Variants in CACNB4 observed in about 807,000 individuals in gnomAD.
CACNB4 encodes the protein calcium voltage-gated channel auxiliary subunit beta 4, also known as voltage-dependent L-type calcium channel subunit beta-4.
A neutral mutation model predicts 71.2 loss-of-function variants in CACNB4; 32 were observed. The ratio of observed to expected loss-of-function variants is 0.45; its 90% CI spans 0.34 to 0.60. The LOEUF (loss-of-function observed/expected upper bound fraction) is 0.60, where lower values mean the gene tolerates loss of function less well. CACNB4 is among the 20% of genes least tolerant of loss of function. CACNB4 has a pLI of 0.01. For synonymous variants in CACNB4, 231 were observed against 236.9 expected, an observed-to-expected ratio of 0.97 and a Z score of 0.23; for missense variants, 464 against 647.9, an observed-to-expected ratio of 0.72 and a Z score of 3.08.
chr2:151,838,963 T>C lies in CACNB4; in HGVS notation c.*156A>G, dbSNP rs2099835492. On this transcript the variant is annotated 3_prime_UTR_variant, in exon 14 of 14. Transcript: ENST00000539935. Reference sequence around the variant, plus strand: ...TATCCATCTAGACTCAAGGGCATAATGTAATTTTTTTTTTTGCCCCTTACT... The same window carrying C: ...TATCCATCTAGACTCAAGGGCATAACGTAATTTTTTTTTTTGCCCCTTACT... 2 of 579,144 alleles carry C rather than the reference T, an allele frequency of 3.5e-6. No homozygotes were observed. The highest frequency in any genetic ancestry group is 6.1e-6 in the Non-Finnish European group (2 of 329,600). The allele number at this position is 579,144 out of a possible 1,614,324, so 35.9% of individuals were successfully genotyped here.
chr2:151,888,144 CTACT>C (rs768541422), intron 2 of CACNB4, among the ~76,000 whole-genome samples: 12 of 152,222 alleles, frequency 7.9e-5, no homozygotes, highest in Non-Finnish European at 1.6e-4. Flanking sequence ...GACTAGGCAT[CTACT>C]TACTTACCTT....
At chr2:152,032,788 C>G (rs1299069136) in intron 2 of CACNB4, among the ~76,000 whole-genome samples, 1 of 151,794 alleles carries the variant, frequency 6.6e-6, no homozygotes, top group Non-Finnish European at 1.5e-5. Flanking sequence ...CCCCCCATCT[C>G]TACAAAAACA....
At chr2:151,852,050 C>T (rs2099839185) in intron 12 of CACNB4, 1 of 152,106 alleles carries the variant, frequency 6.6e-6, no homozygotes. Context: ...GGGTAGGTAA[C>T]CAGGTACATG....
At chr2:151,934,567 G>A (rs62175717) in intron 2 of CACNB4, among the ~76,000 whole-genome samples, 17,528 of 152,192 alleles carry the variant, frequency 0.12, 1,884 homozygotes, top group East Asian at 0.55. Flanking sequence ...GGCTGGGCAC[G>A]GTGGCTCATG....
At chr2:152,054,298 G>A (rs1382572790) in intron 2 of CACNB4, among the ~76,000 whole-genome samples, 37 of 150,490 alleles carry the variant, frequency 2.5e-4, no homozygotes, top group Admixed American at 2.0e-3. Flanking sequence ...CCCGGGAGGC[G>A]GAGCTTGCAG....
At chr2:151,902,699 TG>T (rs35569756) in intron 2 of CACNB4, among the ~76,000 whole-genome samples, 72,852 of 151,886 alleles carry the variant, frequency 0.48, 21,843 homozygotes, top group Non-Finnish European at 0.67. Context: ...ATATTTTCTC[TG>T]ATCTTGATAT....
intron 2 of CACNB4, among the ~76,000 whole-genome samples, chr2:152,065,669 TTCTC>T (rs1686274894): frequency 2.0e-5 from 3 of 152,208 alleles, no homozygotes; most frequent in Non-Finnish European, 2.9e-5. Context: ...ACATCATTGA[TTCTC>T]TCTCTTCTAC....
intron 2 of CACNB4, among the ~76,000 whole-genome samples, chr2:152,097,853 G>C (rs1416618304): frequency 6.6e-6 from 1 of 152,120 alleles, no homozygotes; most frequent in African/African-American, 2.4e-5. Context: ...TCTTTTGACC[G>C]GAGCTTGACG....
At chr2:152,035,651 C>CTCTCTCTCTCTATATATATATATA (rs796161186) in intron 2 of CACNB4, among the ~76,000 whole-genome samples, 2 of 118,076 alleles carry the variant, frequency 1.7e-5, no homozygotes, top group African/African-American at 7.2e-5. Context: ...CTCTCTCTCT[C>CTCTCTCTCTCTATATATATATATA]TATATATATA....
At chr2:152,000,248 C>T (rs541766889) in intron 2 of CACNB4, among the ~76,000 whole-genome samples, 2 of 152,314 alleles carry the variant, frequency 1.3e-5, no homozygotes, top group African/African-American at 2.4e-5. Flanking sequence ...CTCCCAGAAA[C>T]GAGATGGAGG....
At chr2:151,861,365 A>G (rs2099841593) in intron 9 of CACNB4, 1 of 152,422 alleles carries the variant, frequency 6.6e-6, no homozygotes, top group Non-Finnish European at 1.5e-5. Flanking sequence ...CCAAAGGGAT[A>G]CTTCATTTAT....
At chr2:151,916,922 A>G (rs1024658973) in intron 2 of CACNB4, among the ~76,000 whole-genome samples, 1 of 152,180 alleles carries the variant, frequency 6.6e-6, no homozygotes, top group Non-Finnish European at 1.5e-5. Context: ...GGTCTCCCCA[A>G]CCAATCATTA....
In CACNB4 at chr2:152,082,273, A is replaced by T. The variant is rs550431285; in HGVS notation, c.147+16057T>A. Among the ~76,000 whole-genome samples, 147 of 152,312 alleles carry T rather than the reference A, an allele frequency of 9.7e-4. 1 individual carries two copies. Among genetic ancestry groups the T allele is most frequent in the Non-Finnish European group, 1.3e-3 (91 of 68,026 alleles). On this transcript the variant is annotated intron_variant, in intron 2 of 13. Transcript: ENST00000539935. ...TCTTTCCTCCTGTAAACTCCACATC[A>T]TCTCTTTGCTACATTATAAAAGAAT...
intron 2 of CACNB4, among the ~76,000 whole-genome samples, chr2:151,952,600 G>A (rs1006033542): frequency 6.6e-6 from 1 of 152,170 alleles, no homozygotes; most frequent in Non-Finnish European, 1.5e-5. Flanking sequence ...CTAATAATAT[G>A]CCTTAGAACG....
chr2:151,870,698 G>T, intron 7 of CACNB4, 87 bp from the exon 8 acceptor site: 1 of 1,302,724 alleles, frequency 7.7e-7, no homozygotes, highest in Non-Finnish European at 1.1e-6. Context: ...ATAATTCTCA[G>T]GTTGAACGAC....
At chr2:151,973,826 T>A (rs1421842483) in intron 2 of CACNB4, 1 of 1,511,392 alleles carries the variant, frequency 6.6e-7, no homozygotes, top group East Asian at 2.5e-5. Context: ...GCCTGCCTTA[T>A]CAATTCCTGT....
chr2:151,892,544 T>TA (rs1161694253), intron 2 of CACNB4, among the ~76,000 whole-genome samples: 1 of 152,154 alleles, frequency 6.6e-6, no homozygotes, highest in Non-Finnish European at 1.5e-5. Context: ...ATGATTTTTT[T>TA]AAAAAACTGG....
chr2:151,866,441 A>G (rs2099843128), intron 9 of CACNB4: 1 of 152,214 alleles, frequency 6.6e-6, no homozygotes. Flanking sequence ...ATGCCGTGTC[A>G]CTGTGCTAAA....
intron 2 of CACNB4, among the ~76,000 whole-genome samples, chr2:152,024,336 G>C (rs1045217740): frequency 1.3e-5 from 2 of 152,078 alleles, no homozygotes; most frequent in African/African-American, 4.8e-5. Flanking sequence ...AGAACTAATT[G>C]TTTACCAGTT....
Sources: gnomAD v4.1 joint callset for allele counts (sites outside exome capture counted in the v4.1 genomes callset) on GRCh38, gnomAD v4.1.1 for gene constraint, MANE v1.5 for transcripts, NCBI Gene and HGNC (gene_info 2026-07-23, HGNC 2026-07-21) for gene names.